Variants in FBXO11 observed in about 807,000 individuals in gnomAD.
FBXO11 encodes F-box protein 11.
A neutral mutation model predicts 117.0 loss-of-function variants in FBXO11; 13 were observed. The observed-to-expected ratio is 0.11, with a 90% CI of 0.07 to 0.18. FBXO11 has a LOEUF of 0.18. Ranked by LOEUF, FBXO11 falls within the 10% of genes least tolerant of loss-of-function variation. The probability of loss-of-function intolerance (pLI) is 1.00; values close to 1 mark genes in which losing one functional copy is unlikely to be tolerated. For missense variants in FBXO11, 767 were observed against 1,164.4 expected (o/e 0.66, Z 4.97); for synonymous variants, 490 against 380.5 (o/e 1.29, Z -3.35).
chr2:47,822,021 G>GGCTGCTGTGAGCCATGTTTGT (rs1671427430), intron 13 of FBXO11, among the ~76,000 whole-genome samples, 197 bp downstream of exon 13: 1 of 152,150 alleles, frequency 6.6e-6, no homozygotes, highest in Non-Finnish European at 1.5e-5. Flanking sequence ...AGAAGTCTGA[G>GGCTGCTGTGAGCCATGTTTGT]GCTGCTGTGA....
chr2:47,901,847 T>C (rs560797341), intron 1 of FBXO11, among the ~76,000 whole-genome samples: 15 of 152,326 alleles, frequency 9.8e-5, no homozygotes, highest in African/African-American at 3.6e-4. Flanking sequence ...CTTCTAGAAT[T>C]TTAAAACAAA....
intron 1 of FBXO11, chr2:47,883,715 A>G (rs563826668): frequency 2.2e-4 from 59 of 266,240 alleles, no homozygotes; most frequent in African/African-American, 1.2e-3. Context: ...ACTCCCAAGA[A>G]GAATAAGCAC....
At position 47,828,609 on chromosome 2, in the gene FBXO11, C is replaced by CA. The variant is rs536847210; in HGVS notation, c.1398+3739dup. Among the ~76,000 whole-genome samples the CA allele has an allele frequency of 0.01, 992 of 98,696 alleles. 21 individuals carry two copies. The East Asian group carries it at 0.12, about 12-fold the overall frequency. 64.7% of individuals were successfully genotyped at this position (98,696 alleles called of 152,430 possible). The stretch of plus-strand genomic sequence containing the variant: ...GGGTGACAGAGTGAGACTCTTGTCT[C>CA]AAAAAAAAAAAAAAGACAAAATAAA... On this transcript the variant is annotated intron_variant, in intron 11 of 22. Transcript: ENST00000403359.
chr2:47,816,875 A>G (rs1671040673), intron 16 of FBXO11, among the ~76,000 whole-genome samples: 1 of 152,208 alleles, frequency 6.6e-6, no homozygotes, highest in Non-Finnish European at 1.5e-5. Flanking sequence ...GCACAGGCAG[A>G]GTAGATTTAG....
intron 11 of FBXO11, among the ~76,000 whole-genome samples, chr2:47,830,261 T>A (rs375951316): frequency 6.6e-6 from 1 of 152,070 alleles, no homozygotes; most frequent in South Asian, 2.1e-4. Flanking sequence ...AATGCTACAA[T>A]AGAAAAATGT....
chr2:47,817,181 CT>C (rs1441571921), intron 16 of FBXO11, among the ~76,000 whole-genome samples: 4 of 152,204 alleles, frequency 2.6e-5, no homozygotes, highest in African/African-American at 9.6e-5. Context: ...TTGCACTTAG[CT>C]TTTTTTCTTA....
intron 1 of FBXO11, 180 bp downstream of exon 1, chr2:47,905,309 T>C (rs958910878): frequency 7.5e-6 from 4 of 532,724 alleles, no homozygotes; most frequent in African/African-American, 4.0e-5. Context: ...CGGCTTTTCC[T>C]GCCGGCCGGG....
At chr2:47,820,309 A>T in intron 14 of FBXO11, 53 bp downstream of exon 14, 2 of 1,417,298 alleles carry the variant, frequency 1.4e-6, no homozygotes. Flanking sequence ...GAAACCCTTT[A>T]TCCCCCTGGT....
chr2:47,852,662 GGAT>G (rs1394715859), intron 1 of FBXO11, among the ~76,000 whole-genome samples: 1 of 152,136 alleles, frequency 6.6e-6, no homozygotes, highest in Non-Finnish European at 1.5e-5. Flanking sequence ...AAATGATGAT[GGAT>G]GATAATAATG....
At chr2:47,904,617 CACACAA>C (rs1410589996) in intron 1 of FBXO11, among the ~76,000 whole-genome samples, 2 of 112,424 alleles carry the variant, frequency 1.8e-5, no homozygotes, top group East Asian at 3.1e-4. Flanking sequence ...CACACACACA[CACACAA>C]AATATCCCAA....
At chr2:47,839,093 C>CT (rs368463059) in intron 3 of FBXO11, 90 bp from the exon 4 acceptor site, 23,073 of 1,051,954 alleles carry the variant, frequency 0.022, 1 homozygote, top group South Asian at 0.034. Context: ...TAATGAATAG[C>CT]TTTTTTTTTT....
At chr2:47,887,723 T>C (rs771902262) in intron 1 of FBXO11, among the ~76,000 whole-genome samples, 38 of 152,120 alleles carry the variant, frequency 2.5e-4, no homozygotes, top group Non-Finnish European at 4.4e-4. Flanking sequence ...TAGCCGGGCA[T>C]GGTGGCACAC....
chr2:47,869,253 A>T (rs899858553), intron 1 of FBXO11, among the ~76,000 whole-genome samples: 1 of 152,306 alleles, frequency 6.6e-6, no homozygotes, highest in East Asian at 1.9e-4. Flanking sequence ...TGCTGGCCTA[A>T]AAGTTTTAGT....
chr2:47,905,594 G>T lies in FBXO11; in HGVS notation c.127C>A (p.Gln43Lys). 1 of 1,296,938 alleles carries T rather than the reference G, an allele frequency of 7.7e-7. No individual in the cohort carries two copies. Among genetic ancestry groups the T allele is most frequent in the Non-Finnish European group, 9.8e-7 (1 of 1,024,166 alleles). The allele number at this position is 1,296,938 out of a possible 1,614,324, so 80.3% of individuals were successfully genotyped here. A position where few individuals can be genotyped will look rare whatever the true frequency, so the allele number is the denominator to read the frequency against. Residue 43 changes from glutamine to lysine, a missense_variant, in exon 1 of 23, where the codon CAG becomes AAG. By Grantham distance (53) the Gln-to-Lys change is moderately conservative (BLOSUM62 1). This residue lies in a region of FBXO11 where 355 missense variants were observed against 299.8 expected (regional missense o/e 1.18). Coordinates refer to ENST00000403359, the MANE Select transcript of FBXO11 (RefSeq NM_001190274.2). Reference protein sequence around the residue: ...PQPPQQQPPQQQPPPPPQQQQ... With the variant: ...PQPPQQQPPQKQPPPPPQQQQ... ...TGCTGCGGCGGCGGCGGAGGCTGCT[G>T]CTGGGGCGGCTGCTGCTGGGGCGGC...
rs1572751009 is a variant in FBXO11 at position 47,806,972 on chromosome 2, T to C, written c.*1146A>G. 3.5e-6 allele frequency: 3 copies of C among 851,796 alleles called. No homozygotes were observed. Among genetic ancestry groups the C allele is most frequent in the East Asian group, 5.2e-5 (2 of 38,098 alleles). The allele number at this position is 851,796 out of a possible 1,614,324, so 52.8% of individuals were successfully genotyped here. On this transcript the variant is annotated 3_prime_UTR_variant, in exon 23 of 23. Coordinates refer to ENST00000403359, the MANE Select transcript of FBXO11 (RefSeq NM_001190274.2). ...AAAATGACCATTTTTCCATTTTCTT[T>C]CTAGGAAATTAAACCCTTTTAATTC...
chr2:47,829,439 C>A (rs1428132725), intron 11 of FBXO11, among the ~76,000 whole-genome samples: 2 of 152,054 alleles, frequency 1.3e-5, no homozygotes, highest in African/African-American at 4.8e-5. Flanking sequence ...CAGGGTTTCA[C>A]CATGTTGGCC....
At chr2:47,830,497 A>G (rs532188410) in intron 11 of FBXO11, among the ~76,000 whole-genome samples, 1 of 152,352 alleles carries the variant, frequency 6.6e-6, no homozygotes, top group South Asian at 2.1e-4. Flanking sequence ...ATAAATAAAG[A>G]ATAAATATAG....
At chr2:47,813,714 TGA>T in intron 17 of FBXO11, 75 bp downstream of exon 17, 9 of 1,241,160 alleles carry the variant, frequency 7.3e-6, no homozygotes, top group Non-Finnish European at 1.0e-5. Context: ...ATTACAGGCG[TGA>T]GCCACCGTGC....
chr2:47,837,717 T>TA (rs1182963487), intron 4 of FBXO11, among the ~76,000 whole-genome samples: 1 of 152,190 alleles, frequency 6.6e-6, no homozygotes, highest in Admixed American at 6.5e-5. Context: ...TTATATAGCA[T>TA]ATACAATTTT....
Sources: allele counts gnomAD v4.1 joint callset (sites outside exome capture counted in the v4.1 genomes callset), GRCh38; gene constraint gnomAD v4.1.1; regional missense constraint gnomAD v4.1.1; transcripts MANE v1.5; gene names NCBI Gene and HGNC (gene_info 2026-07-23, HGNC 2026-07-21).